The following RMST variants were observed in gnomAD, a reference collection of about 807,000 sequenced individuals.
RMST encodes rhabdomyosarcoma 2 associated transcript.
chr12:97,515,857 A>T (rs969508912), intron 10 of RMST, among the ~76,000 whole-genome samples: 1 of 152,072 alleles, frequency 6.6e-6, no homozygotes, highest in African/African-American at 2.4e-5. Context: ...AAGAAAAATG[A>T]CCATGCCTGA....
intron 10 of RMST, among the ~76,000 whole-genome samples, chr12:97,508,505 G>A (rs998118471): frequency 6.6e-6 from 1 of 152,190 alleles, no homozygotes; most frequent in Non-Finnish European, 1.5e-5. Flanking sequence ...GTGGACAAAA[G>A]GAGAATTGTA....
intron 10 of RMST, among the ~76,000 whole-genome samples, chr12:97,516,432 A>G (rs1879942258): frequency 6.6e-6 from 1 of 152,088 alleles, no homozygotes; most frequent in South Asian, 2.1e-4. Context: ...ATTTCCCTGT[A>G]ACATACACAG....
chr12:97,499,657 C>CTTTTTTTTTTTTTTTTT (rs540776298), intron 10 of RMST, among the ~76,000 whole-genome samples: 1 of 131,908 alleles, frequency 7.6e-6, no homozygotes. Flanking sequence ...TTTTTTCTTT[C>CTTTTTTTTTTTTTTTTT]TTTTTTTTTT....
At chr12:97,559,059 G>T (rs780393547) in intron 11 of RMST, among the ~76,000 whole-genome samples, 11 of 151,168 alleles carry the variant, frequency 7.3e-5, no homozygotes, top group South Asian at 2.1e-4. Flanking sequence ...AAGGCAGCAT[G>T]GTTTTAGATG....
At chr12:97,479,965 C>T (rs1018888645) in intron 5 of RMST, among the ~76,000 whole-genome samples, 2 of 152,128 alleles carry the variant, frequency 1.3e-5, no homozygotes, top group Non-Finnish European at 2.9e-5. Flanking sequence ...GCACTGCTGT[C>T]GACTCATTCA....
intron 10 of RMST, among the ~76,000 whole-genome samples, chr12:97,519,068 G>A (rs1448345857): frequency 1.3e-5 from 2 of 152,258 alleles, no homozygotes; most frequent in South Asian, 2.1e-4. Context: ...ACGAACCACT[G>A]CACCCAACCA....
intron 10 of RMST, among the ~76,000 whole-genome samples, chr12:97,512,121 G>A (rs769793546): frequency 2.6e-5 from 4 of 152,086 alleles, no homozygotes; most frequent in South Asian, 2.1e-4. Flanking sequence ...CTGTCTGGCC[G>A]AGTCTGGCGG....
rs571907972 is a variant in RMST, at chr12:97,547,793, G to A, written n.1546-12744G>A. ...AGTTCTTTATATATTTTGGATATTAGCCCCTTATCACATGTATAGTTTGCA... is the reference window on the plus strand; with the variant it reads ...AGTTCTTTATATATTTTGGATATTAACCCCTTATCACATGTATAGTTTGCA... On this transcript the variant is annotated intron_variant and non_coding_transcript_variant, in intron 11 of 13. Transcript: ENST00000640149. Among the ~76,000 whole-genome samples the A allele has an allele frequency of 9.2e-5, 14 of 151,956 alleles. No homozygotes were observed. The East Asian group carries it at 2.5e-3, about 27-fold the overall frequency.
At chr12:97,531,726 G>A (rs1592752624) in intron 11 of RMST, among the ~76,000 whole-genome samples, 3 of 151,882 alleles carry the variant, frequency 2.0e-5, no homozygotes, top group African/African-American at 7.3e-5. Context: ...AATCGGGGAC[G>A]TATATTAAGG....
At chr12:97,548,970 C>T (rs1162036834) in intron 11 of RMST, among the ~76,000 whole-genome samples, 1 of 152,090 alleles carries the variant, frequency 6.6e-6, no homozygotes, top group African/African-American at 2.4e-5. Flanking sequence ...CAAGCTCTAA[C>T]ATACACTAAG....
intron 10 of RMST, among the ~76,000 whole-genome samples, chr12:97,524,042 G>C (rs1194634241): frequency 1.3e-3 from 153 of 116,494 alleles, no homozygotes; most frequent in African/African-American, 4.2e-3. Flanking sequence ...CGCCACTGCA[G>C]TCCAGCCTGG....
intron 5 of RMST, among the ~76,000 whole-genome samples, chr12:97,485,612 A>G (rs965051142): frequency 6.6e-6 from 1 of 152,210 alleles, no homozygotes; most frequent in African/African-American, 2.4e-5. Context: ...ATGAGCCGAC[A>G]TTGTCACATA....
intron 10 of RMST, among the ~76,000 whole-genome samples, chr12:97,526,280 T>C (rs1210153267): frequency 2.0e-5 from 3 of 152,108 alleles, no homozygotes; most frequent in African/African-American, 4.8e-5. Flanking sequence ...ACAATACCCA[T>C]TGTTCTGCAC....
chr12:97,490,599 C>T (rs772055315), intron 5 of RMST, among the ~76,000 whole-genome samples: 2 of 152,036 alleles, frequency 1.3e-5, no homozygotes, highest in African/African-American at 2.4e-5. Context: ...CCTCCACCGC[C>T]GTCATCATTA....
intron 5 of RMST, among the ~76,000 whole-genome samples, chr12:97,484,378 T>G (rs1380276864): frequency 6.6e-6 from 1 of 152,208 alleles, no homozygotes; most frequent in Non-Finnish European, 1.5e-5. Flanking sequence ...CTAACAGATA[T>G]AGTGTGCAGA....
At chr12:97,551,337 T>C (rs1274326965) in intron 11 of RMST, among the ~76,000 whole-genome samples, 1 of 152,028 alleles carries the variant, frequency 6.6e-6, no homozygotes, top group Non-Finnish European at 1.5e-5. Context: ...ATATTCCATC[T>C]GTCTACCTGG....
intron 5 of RMST, among the ~76,000 whole-genome samples, chr12:97,475,374 C>A (rs1874416964): frequency 6.6e-6 from 1 of 152,146 alleles, no homozygotes; most frequent in Non-Finnish European, 1.5e-5. Flanking sequence ...CAGCTGATGT[C>A]ACCTTTTCTT....
chr12:97,480,333 G>T (rs796463588), intron 5 of RMST, among the ~76,000 whole-genome samples: 20 of 152,118 alleles, frequency 1.3e-4, no homozygotes, highest in African/African-American at 4.3e-4. Context: ...CTCGTGATCT[G>T]CCCGCCTCAG....
chr12:97,483,520 T>C (rs1875702737), intron 5 of RMST: 1 of 152,298 alleles, frequency 6.6e-6, no homozygotes, highest in African/African-American at 2.4e-5. Context: ...AAGATGGCTA[T>C]GTCCCTCCAT....
Sources: allele counts gnomAD v4.1 joint callset (sites outside exome capture counted in the v4.1 genomes callset), GRCh38; gene constraint gnomAD v4.1.1; transcripts MANE v1.5; gene names NCBI Gene and HGNC (gene_info 2026-07-23, HGNC 2026-07-21).